The following SLC14A2 variants were observed in gnomAD, a reference collection of about 807,000 sequenced individuals.
SLC14A2 encodes the protein solute carrier family 14 member 2.
Under a neutral mutation model 104.6 loss-of-function variants are expected in SLC14A2, and 91 were observed. That is an observed-to-expected ratio of 0.87 (90% CI 0.73 to 1.04). The LOEUF (loss-of-function observed/expected upper bound fraction) is 1.04, where lower values mean the gene tolerates loss of function less well. Among genes scored for constraint, SLC14A2 ranks in the 50% least tolerant of loss-of-function variants. The probability of loss-of-function intolerance (pLI) is 0.00; values close to 1 mark genes in which losing one functional copy is unlikely to be tolerated. For synonymous variants in SLC14A2, 476 were observed against 466.4 expected (o/e 1.02, Z -0.27); for missense variants, 1,189 against 1,156.0 (o/e 1.03, Z -0.41).
intron 2 of SLC14A2, among the ~76,000 whole-genome samples, chr18:45,577,237 T>A (rs2044429389): frequency 1.3e-5 from 2 of 151,954 alleles, no homozygotes; most frequent in African/African-American, 2.4e-5. Flanking sequence ...ACATACTTAA[T>A]ACACATGGTA....
intron 2 of SLC14A2, among the ~76,000 whole-genome samples, chr18:45,557,095 G>T (rs531899064): frequency 6.6e-6 from 1 of 152,330 alleles, no homozygotes; most frequent in South Asian, 2.1e-4. Context: ...ACCTTTGCTT[G>T]TTGTACAGTT....
intron 1 of SLC14A2, among the ~76,000 whole-genome samples, chr18:45,297,386 C>T (rs909464794): frequency 6.6e-6 from 1 of 152,204 alleles, no homozygotes; most frequent in Non-Finnish European, 1.5e-5. Context: ...GGTTAGCATC[C>T]TTCGACAGGA....
At chr18:45,574,934 C>A (rs2044398248) in intron 2 of SLC14A2, among the ~76,000 whole-genome samples, 1 of 152,198 alleles carries the variant, frequency 6.6e-6, no homozygotes, top group Non-Finnish European at 1.5e-5. Context: ...CACTTGGCCT[C>A]CTTCAAGTCC....
intron 1 of SLC14A2, among the ~76,000 whole-genome samples, chr18:45,257,872 A>T (rs1203094842): frequency 5.3e-5 from 8 of 152,224 alleles, no homozygotes; most frequent in African/African-American, 1.9e-4. Context: ...GGTGGCAATT[A>T]TCACATATTT....
At chr18:45,222,416 G>A (rs12605615) in intron 1 of SLC14A2, among the ~76,000 whole-genome samples, 17,189 of 152,204 alleles carry the variant, frequency 0.11, 982 homozygotes, top group Non-Finnish European at 0.12. Context: ...GAACAATGGA[G>A]TATTAGTGCC....
intron 2 of SLC14A2, among the ~76,000 whole-genome samples, chr18:45,587,237 A>C (rs1232334550): frequency 1.3e-5 from 2 of 152,198 alleles, no homozygotes; most frequent in African/African-American, 4.8e-5. Flanking sequence ...GGCCTCCCAC[A>C]GTGCTGGGAT....
chr18:45,547,482 AAGCCAGAGCATAGGAGTGCCCAC>A (rs2043989278), intron 2 of SLC14A2, among the ~76,000 whole-genome samples: 1 of 152,200 alleles, frequency 6.6e-6, no homozygotes, highest in African/African-American at 2.4e-5. Context: ...GGAATAAACT[AAGCCAGAGCATAGGAGTGCCCAC>A]AGCCCCACTG....
intron 1 of SLC14A2, among the ~76,000 whole-genome samples, chr18:45,248,197 C>T (rs1252618358): frequency 6.6e-6 from 1 of 152,190 alleles, no homozygotes; most frequent in Non-Finnish European, 1.5e-5. Flanking sequence ...GCAACACCCT[C>T]TCTCAGTTTT....
rs1355781127 is a variant in SLC14A2 at position 45,682,544 on chromosome 18, T to C, written c.*25T>C. 1.3e-6 allele frequency: 2 copies of C among 1,594,442 alleles called. No homozygotes were observed. Among genetic ancestry groups the C allele is most frequent in the East Asian group, 2.2e-5 (1 of 44,800 alleles). Reference sequence around the variant, plus strand: ...AGTTTCCCTGTCTAAAACACATCAGTGTAAATTCAGGCTTCAGCACGCCGT... The same window carrying C: ...AGTTTCCCTGTCTAAAACACATCAGCGTAAATTCAGGCTTCAGCACGCCGT... On this transcript the variant is annotated 3_prime_UTR_variant, in exon 20 of 20. Transcript: ENST00000255226.
intron 1 of SLC14A2, among the ~76,000 whole-genome samples, chr18:45,616,149 G>T (rs1027515611): frequency 6.6e-6 from 1 of 152,176 alleles, no homozygotes; most frequent in Non-Finnish European, 1.5e-5. Flanking sequence ...GGGAGATTGA[G>T]AACAGTTGCT....
chr18:45,498,489 G>A (rs897734790), intron 2 of SLC14A2, among the ~76,000 whole-genome samples: 4 of 152,200 alleles, frequency 2.6e-5, no homozygotes, highest in African/African-American at 9.6e-5. Context: ...GTCACTTGCC[G>A]TTTGCTGCAA....
intron 2 of SLC14A2, among the ~76,000 whole-genome samples, chr18:45,551,934 C>T (rs890266591): frequency 6.6e-6 from 1 of 152,286 alleles, no homozygotes; most frequent in African/African-American, 2.4e-5. Context: ...AGTACTATTG[C>T]ATAGTATTCA....
intron 1 of SLC14A2, among the ~76,000 whole-genome samples, chr18:45,464,860 T>A (rs1209069838): frequency 6.6e-6 from 1 of 152,136 alleles, no homozygotes; most frequent in African/African-American, 2.4e-5. Context: ...AACCTCCAGA[T>A]AATTGCCGGC....
intron 2 of SLC14A2, among the ~76,000 whole-genome samples, chr18:45,509,916 C>T (rs2043340932): frequency 1.3e-5 from 2 of 152,154 alleles, no homozygotes; most frequent in South Asian, 2.1e-4. Flanking sequence ...ACCTGAGAGA[C>T]CTTGGAGAGG....
the SLC14A2 span, among the ~76,000 whole-genome samples, chr18:45,182,540 A>T: frequency 1.9e-3 from 287 of 152,120 alleles, 1 homozygote; most frequent in Non-Finnish European, 3.3e-3. Flanking sequence ...TAGTAAAAAA[A>T]TTGACTTTAA....
chr18:45,546,421 C>T (rs1426799431), intron 2 of SLC14A2, among the ~76,000 whole-genome samples: 2 of 152,194 alleles, frequency 1.3e-5, no homozygotes, highest in East Asian at 1.9e-4. Flanking sequence ...TGAGTTGAAT[C>T]GATGCAAACG....
chr18:45,568,363 G>C (rs906321846), intron 2 of SLC14A2, among the ~76,000 whole-genome samples: 2 of 152,236 alleles, frequency 1.3e-5, no homozygotes, highest in Admixed American at 6.5e-5. Flanking sequence ...ATCTCCACCA[G>C]AGAAGCAGAG....
chr18:45,659,709 A>G (rs1463201804), intron 10 of SLC14A2, among the ~76,000 whole-genome samples: 1 of 152,254 alleles, frequency 6.6e-6, no homozygotes, highest in East Asian at 1.9e-4. Context: ...CAGTCTATGA[A>G]GGACTCTCAC....
At chr18:45,587,588 T>A (rs761989241) in intron 2 of SLC14A2, among the ~76,000 whole-genome samples, 1 of 152,174 alleles carries the variant, frequency 6.6e-6, no homozygotes, top group African/African-American at 2.4e-5. Context: ...TAGCAGGATC[T>A]GAGATACAGA....
Sources: gnomAD v4.1 joint callset for allele counts (sites outside exome capture counted in the v4.1 genomes callset) on GRCh38, gnomAD v4.1.1 for gene constraint, MANE v1.5 for transcripts, NCBI Gene and HGNC (gene_info 2026-07-23, HGNC 2026-07-21) for gene names.